Variants in DCDC2C observed in about 807,000 individuals in gnomAD.
DCDC2C encodes doublecortin domain containing 2C, also known as doublecortin domain-containing protein 2C.
A neutral mutation model predicts 45.0 loss-of-function variants in DCDC2C; 44 were observed. The observed-to-expected ratio is 0.98, with a 90% CI of 0.77 to 1.26. The LOEUF (loss-of-function observed/expected upper bound fraction) is 1.26. Ranked by LOEUF, DCDC2C falls within the 50% of genes most tolerant of loss-of-function variation. DCDC2C has a pLI of 0.00. For missense variants in DCDC2C, 447 were observed against 468.9 expected (o/e 0.95, Z 0.43); for synonymous variants, 187 against 178.8 (o/e 1.05, Z -0.37).
intron 2 of DCDC2C, 107 bp from the exon 3 acceptor site, chr2:3,726,896 G>T (rs1572563611): frequency 9.9e-7 from 1 of 1,005,668 alleles, no homozygotes; most frequent in East Asian, 2.7e-5. Flanking sequence ...TGACAAAGGG[G>T]TTCCCCCCCT....
rs559533837 is a variant in DCDC2C at position 3,748,191 on chromosome 2, T to C, written c.546-4572T>C. On this transcript the variant is annotated intron_variant, in intron 4 of 10. Coordinates refer to ENST00000399143, the MANE Select transcript of DCDC2C (RefSeq NM_001287444.2). ...CCATTGGCGGATTCTGAGCATGGAG[T>C]GTCACCACCTGACTCCGGGGTGGGA... is the stretch of plus-strand genomic sequence containing the variant. 2.6e-4 allele frequency among the ~76,000 whole-genome samples: 40 copies of C among 151,862 alleles called. 1 individual carries two copies. In the Middle Eastern group the frequency reaches 0.014, roughly 52 times the overall value.
Position 3,722,595 on chromosome 2 carries a change from C to G in DCDC2C, c.340-4408C>G, listed in dbSNP as rs554980421. Among the ~76,000 whole-genome samples, 326 of 152,284 alleles carry G rather than the reference C, an allele frequency of 2.1e-3. 2 individuals carry two copies. The highest frequency in any genetic ancestry group is 3.2e-3 in the Non-Finnish European group (217 of 68,032). ...GTCTAAAGCTCATGGCGTCCTTCAG[C>G]CTCTCAGGACAGATGACTGATGTGA... On this transcript the variant is annotated intron_variant, in intron 2 of 10. Coordinates refer to ENST00000399143, the MANE Select transcript of DCDC2C (RefSeq NM_001287444.2).
chr2:3,840,774 C>G (rs556567096), intron 10 of DCDC2C, among the ~76,000 whole-genome samples: 1 of 152,348 alleles, frequency 6.6e-6, no homozygotes, highest in African/African-American at 2.4e-5. Flanking sequence ...TGCTCACTCA[C>G]GGAGACCTCT....
At chr2:3,776,288 GA>G (rs1437396046) in intron 8 of DCDC2C, among the ~76,000 whole-genome samples, 1 of 152,148 alleles carries the variant, frequency 6.6e-6, no homozygotes, top group Non-Finnish European at 1.5e-5. Context: ...AGTCCTCTTT[GA>G]GCGTGTCTGT....
intron 1 of DCDC2C, among the ~76,000 whole-genome samples, chr2:3,707,455 T>C (rs781703054): frequency 6.6e-6 from 1 of 152,226 alleles, no homozygotes; most frequent in Non-Finnish European, 1.5e-5. Context: ...CAAGGGCCTC[T>C]AAGCAAGTGG....
intron 10 of DCDC2C, among the ~76,000 whole-genome samples, chr2:3,822,568 C>G (rs1671719550): frequency 6.7e-6 from 1 of 149,696 alleles, no homozygotes; most frequent in Admixed American, 6.6e-5. Context: ...TTCCAAAAAT[C>G]TAGCTTTTGG....
intron 9 of DCDC2C, among the ~76,000 whole-genome samples, chr2:3,780,422 G>A (rs1449929534): frequency 6.6e-6 from 1 of 152,192 alleles, no homozygotes; most frequent in Non-Finnish European, 1.5e-5. Context: ...AGGCTGCTGG[G>A]GGGATCCATG....
intron 10 of DCDC2C, among the ~76,000 whole-genome samples, chr2:3,846,647 T>A (rs534434203): frequency 6.6e-6 from 1 of 152,324 alleles, no homozygotes; most frequent in South Asian, 2.1e-4. Context: ...CTAGATGATG[T>A]TCACATTTTG....
At chr2:3,845,854 A>G (rs558704559) in intron 10 of DCDC2C, among the ~76,000 whole-genome samples, 15 of 152,346 alleles carry the variant, frequency 9.8e-5, no homozygotes, top group African/African-American at 3.4e-4. Flanking sequence ...GTGCTCCACC[A>G]TTTGTTGACC....
chr2:3,826,978 A>G (rs991722712), intron 10 of DCDC2C, among the ~76,000 whole-genome samples: 10 of 149,716 alleles, frequency 6.7e-5, no homozygotes, highest in Non-Finnish European at 1.2e-4. Flanking sequence ...CCTCCCTCCA[A>G]TTGTTTATTA....
chr2:3,704,076 T>C, intron 1 of DCDC2C, 38 bp downstream of exon 1: 2 of 1,238,388 alleles, frequency 1.6e-6, no homozygotes, highest in Non-Finnish European at 2.0e-6. Context: ...CCTGCGCCCC[T>C]CCCCGCCCTC....
intron 10 of DCDC2C, among the ~76,000 whole-genome samples, chr2:3,801,260 C>T (rs906250688): frequency 1.3e-5 from 2 of 152,196 alleles, no homozygotes; most frequent in Admixed American, 6.5e-5. Flanking sequence ...CAGAGCAGGG[C>T]GAGAGCAGGT....
intron 10 of DCDC2C, among the ~76,000 whole-genome samples, chr2:3,791,292 A>G (rs920514833): frequency 3.3e-5 from 5 of 152,350 alleles, no homozygotes; most frequent in African/African-American, 9.6e-5. Context: ...AGAGGCAGTC[A>G]TGGATGAACC....
intron 10 of DCDC2C, among the ~76,000 whole-genome samples, chr2:3,825,636 G>A (rs754269009): frequency 6.6e-6 from 1 of 152,164 alleles, no homozygotes; most frequent in Non-Finnish European, 1.5e-5. Context: ...GGTCTCCAGT[G>A]TGGTCATGGC....
intron 10 of DCDC2C, among the ~76,000 whole-genome samples, chr2:3,827,525 G>A (rs17018104): frequency 0.036 from 5,456 of 152,188 alleles, 107 homozygotes; most frequent in Middle Eastern, 0.051. Flanking sequence ...ATGCTAATTG[G>A]GGTTTCAGCT....
At chr2:3,779,571 A>G (rs534564863) in intron 9 of DCDC2C, among the ~76,000 whole-genome samples, 5 of 152,320 alleles carry the variant, frequency 3.3e-5, no homozygotes, top group Non-Finnish European at 7.4e-5. Context: ...TGTTTTCAGA[A>G]TTCTGTCTGT....
chr2:3,730,645 G>A (rs562215413), intron 3 of DCDC2C, among the ~76,000 whole-genome samples: 48 of 152,220 alleles, frequency 3.2e-4, no homozygotes, highest in Non-Finnish European at 1.2e-4. Flanking sequence ...AGGAGATAAC[G>A]ACTGGTCAGC....
At chr2:3,760,462 A>G (rs1470327528) in intron 6 of DCDC2C, among the ~76,000 whole-genome samples, 1 of 152,252 alleles carries the variant, frequency 6.6e-6, no homozygotes, top group Non-Finnish European at 1.5e-5. Context: ...GATAAAGAAA[A>G]TGTGGCACAT....
intron 10 of DCDC2C, among the ~76,000 whole-genome samples, chr2:3,790,967 A>G (rs964992630): frequency 2.0e-5 from 3 of 152,090 alleles, no homozygotes; most frequent in Non-Finnish European, 4.4e-5. Context: ...AAAATGAGCC[A>G]GGCGTGGTGG....
Sources: allele counts gnomAD v4.1 joint callset (sites outside exome capture counted in the v4.1 genomes callset), GRCh38; gene constraint gnomAD v4.1.1; transcripts MANE v1.5; gene names NCBI Gene and HGNC (gene_info 2026-07-23, HGNC 2026-07-21).